MAPK10: variants seen among roughly 807,000 people sequenced by gnomAD.
MAPK10 encodes mitogen-activated protein kinase 10.
A neutral mutation model predicts 59.3 loss-of-function variants in MAPK10; 25 were observed. The ratio of observed to expected loss-of-function variants is 0.42; its 90% CI spans 0.31 to 0.59. The LOEUF (loss-of-function observed/expected upper bound fraction) is 0.59, where lower values mean the gene tolerates loss of function less well. Among genes scored for constraint, MAPK10 ranks in the 20% least tolerant of loss-of-function variants. The pLI is 0.15. For synonymous variants in MAPK10, 190 were observed against 200.5 expected (o/e 0.95, Z 0.44); for missense variants, 351 against 568.9 (o/e 0.62, Z 3.90).
chr4:86,502,606 T>C (rs1481101785), intron 1 of MAPK10, among the ~76,000 whole-genome samples: 1 of 152,078 alleles, frequency 6.6e-6, no homozygotes, highest in Non-Finnish European at 1.5e-5. Context: ...ACAAAAAGTT[T>C]TTGAGGCATA....
At chr4:86,095,884 A>G (rs1239341044) in intron 9 of MAPK10, among the ~76,000 whole-genome samples, 1 of 151,916 alleles carries the variant, frequency 6.6e-6, no homozygotes, top group Non-Finnish European at 1.5e-5. Flanking sequence ...GGGGCTAAGA[A>G]ATCCAAATGG....
At chr4:86,513,720 G>A (rs1181527655) in intron 1 of MAPK10, among the ~76,000 whole-genome samples, 1 of 152,080 alleles carries the variant, frequency 6.6e-6, no homozygotes, top group Non-Finnish European at 1.5e-5. Flanking sequence ...AATTTACTTT[G>A]CATTTTCCCT....
At position 86,052,103 on chromosome 4, in the gene MAPK10, T is replaced by C. The variant is rs2043665135; in HGVS notation, c.1110+12163A>G. ...TTATAATGTTAATAGTTTTTTTAAA[T>C]CACAATAATAAAAATTGAAAGCATA... On this transcript the variant is annotated intron_variant, in intron 11 of 13. Coordinates refer to ENST00000641462, the MANE Select transcript of MAPK10 (RefSeq NM_138982.4). 2.0e-5 allele frequency among the ~76,000 whole-genome samples: 3 copies of C among 152,118 alleles called. No homozygotes were observed. The South Asian group carries it at 6.2e-4, about 31-fold the overall frequency.
intron 1 of MAPK10, among the ~76,000 whole-genome samples, chr4:86,434,905 G>A (rs1394221933): frequency 6.6e-6 from 1 of 152,186 alleles, no homozygotes; most frequent in Non-Finnish European, 1.5e-5. Context: ...GTCTGTCAAT[G>A]AATGAGTGGA....
intron 1 of MAPK10, among the ~76,000 whole-genome samples, chr4:86,494,453 G>C (rs532333814): frequency 2.6e-5 from 4 of 152,164 alleles, no homozygotes; most frequent in Non-Finnish European, 4.4e-5. Context: ...AGAGCTGGAG[G>C]GGATATCTGT....
chr4:86,213,067 G>A (rs1026110071), intron 2 of MAPK10, among the ~76,000 whole-genome samples: 3 of 152,042 alleles, frequency 2.0e-5, no homozygotes, highest in African/African-American at 7.2e-5. Flanking sequence ...TCAGAAATTT[G>A]TAGAAATTAA....
At chr4:86,265,502 C>T (rs2148755793) in intron 2 of MAPK10, among the ~76,000 whole-genome samples, 1 of 149,836 alleles carries the variant, frequency 6.7e-6, no homozygotes, top group African/African-American at 2.5e-5. Flanking sequence ...GAGCAAGTCT[C>T]CATCTCAAAA....
At chr4:86,106,762 G>T (rs1247141994) in intron 5 of MAPK10, 2 of 152,234 alleles carry the variant, frequency 1.3e-5, no homozygotes. Context: ...ACAATTAGAG[G>T]CCACCACCAG....
intron 1 of MAPK10, among the ~76,000 whole-genome samples, chr4:86,437,864 CATAA>C (rs1254210262): frequency 4.6e-5 from 7 of 152,066 alleles, no homozygotes; most frequent in East Asian, 1.9e-4. Flanking sequence ...AAGTAAAATG[CATAA>C]ATAAACTGTA....
chr4:86,168,745 G>A (rs1314129449), intron 3 of MAPK10, among the ~76,000 whole-genome samples: 2 of 152,130 alleles, frequency 1.3e-5, no homozygotes, highest in Non-Finnish European at 2.9e-5. Flanking sequence ...ATCTGAGAAC[G>A]GGCAGACTGC....
rs184240012 is a variant in MAPK10 at position 86,098,633 on chromosome 4, G to A, written c.731-38C>T. On this transcript the variant is annotated intron_variant, in intron 8 of 13. Coordinates refer to ENST00000641462, the MANE Select transcript of MAPK10 (RefSeq NM_138982.4). ...AGAGAGGGTAGTGAAGAAAAGGGAG[G>A]AAAGTAAAGTTAACTAAGATAATTG... 71 of 1,459,708 alleles carry A rather than the reference G, an allele frequency of 4.9e-5. 1 individual carries two copies. In the East Asian group the frequency reaches 1.5e-3, roughly 32 times the overall value. 90.4% of individuals were successfully genotyped at this position (1,459,708 alleles called of 1,614,324 possible).
chr4:86,167,880 C>A (rs1040580007), intron 3 of MAPK10, among the ~76,000 whole-genome samples: 9 of 152,014 alleles, frequency 5.9e-5, no homozygotes, highest in Non-Finnish European at 1.3e-4. Flanking sequence ...CTGACCAGGG[C>A]AATCAGGCAA....
intron 9 of MAPK10, among the ~76,000 whole-genome samples, chr4:86,075,629 G>T (rs1426475172): frequency 6.6e-6 from 1 of 151,916 alleles, no homozygotes; most frequent in Non-Finnish European, 1.5e-5. Context: ...ACCCTCAGCT[G>T]CAGGTCTGTT....
chr4:86,454,690 A>G (rs556525488), upstream of MAPK10, among the ~76,000 whole-genome samples: 1 of 152,292 alleles, frequency 6.6e-6, no homozygotes, highest in African/African-American at 2.4e-5. Context: ...AAATCTAAAC[A>G]TTTGGCAACT....
intron 1 of MAPK10, among the ~76,000 whole-genome samples, chr4:86,583,062 A>G (rs190159785): frequency 3.8e-4 from 58 of 152,088 alleles, no homozygotes; most frequent in African/African-American, 1.3e-3. Context: ...TGTTCACCCT[A>G]CCCTCACCAC....
chr4:86,533,049 A>T (rs1757958251), intron 1 of MAPK10, among the ~76,000 whole-genome samples: 2 of 152,176 alleles, frequency 1.3e-5, no homozygotes, highest in Admixed American at 1.3e-4. Context: ...AAAAAAACAA[A>T]CTCAGCATAA....
At chr4:86,590,901 T>C (rs906080300) in intron 1 of MAPK10, among the ~76,000 whole-genome samples, 1 of 152,254 alleles carries the variant, frequency 6.6e-6, no homozygotes, top group African/African-American at 2.4e-5. Context: ...GATTGCTTTT[T>C]TATTTCAAAC....
intron 2 of MAPK10, among the ~76,000 whole-genome samples, chr4:86,259,727 A>G (rs909991720): frequency 1.3e-5 from 2 of 152,100 alleles, no homozygotes; most frequent in African/African-American, 4.8e-5. Flanking sequence ...ATATATAAAG[A>G]TATAATTTTA....
chr4:86,553,004 C>G (rs1289636714), intron 1 of MAPK10, among the ~76,000 whole-genome samples: 1 of 152,150 alleles, frequency 6.6e-6, no homozygotes, highest in African/African-American at 2.4e-5. Flanking sequence ...TCTTTTTACT[C>G]TGACCCAGGA....
Sources: allele counts gnomAD v4.1 joint callset (sites outside exome capture counted in the v4.1 genomes callset), GRCh38; gene constraint gnomAD v4.1.1; transcripts MANE v1.5; gene names NCBI Gene and HGNC (gene_info 2026-07-23, HGNC 2026-07-21).